Variants in QTMAN observed in about 807,000 individuals in gnomAD.
QTMAN encodes queuosine-tRNA mannosyltransferase, also known as tRNA-queuosine alpha-mannosyltransferase.
the QTMAN span, among the ~76,000 whole-genome samples, chr2:144,325,216 G>T: frequency 2.0e-5 from 3 of 152,188 alleles, no homozygotes; most frequent in Non-Finnish European, 2.9e-5. Flanking sequence ...AACATCTTGA[G>T]ATTGGACAGA....
the QTMAN span, among the ~76,000 whole-genome samples, chr2:144,272,742 C>T: frequency 6.6e-6 from 1 of 151,950 alleles, no homozygotes; most frequent in African/African-American, 2.4e-5. Context: ...TGTGTGCATG[C>T]ATGCGTGTGT....
chr2:144,046,355 T>C, the QTMAN span, among the ~76,000 whole-genome samples: 5 of 152,360 alleles, frequency 3.3e-5, no homozygotes, highest in African/African-American at 7.2e-5. Context: ...TTTTTCATTA[T>C]TGTTTTTAAT....
chr2:144,109,868 G>A, the QTMAN span, among the ~76,000 whole-genome samples: 4 of 152,162 alleles, frequency 2.6e-5, no homozygotes, highest in Admixed American at 2.0e-4. Context: ...TTAGAATGGT[G>A]ATCATTAAAA....
chr2:144,049,118 A>G, the QTMAN span, among the ~76,000 whole-genome samples: 1 of 152,174 alleles, frequency 6.6e-6, no homozygotes, highest in Non-Finnish European at 1.5e-5. Context: ...CCCCTAAAAA[A>G]ATCACTATAC....
At chr2:144,148,254 A>G in the QTMAN span, among the ~76,000 whole-genome samples, 3 of 151,832 alleles carry the variant, frequency 2.0e-5, no homozygotes, top group Non-Finnish European at 1.5e-5. Context: ...AAATTATTAA[A>G]TAGTTCAGCC....
chr2:144,051,943 A>G, the QTMAN span, among the ~76,000 whole-genome samples: 1 of 152,174 alleles, frequency 6.6e-6, no homozygotes, highest in Non-Finnish European at 1.5e-5. Context: ...ACATTGCTTT[A>G]TTTTTCTTCA....
the QTMAN span, among the ~76,000 whole-genome samples, chr2:143,969,787 G>A: frequency 6.6e-6 from 1 of 152,198 alleles, no homozygotes; most frequent in African/African-American, 2.4e-5. Flanking sequence ...CACAGCTGCA[G>A]CGGGCAAAAG....
the QTMAN span, among the ~76,000 whole-genome samples, chr2:144,285,947 T>A: frequency 6.6e-6 from 1 of 152,236 alleles, no homozygotes; most frequent in African/African-American, 2.4e-5. Flanking sequence ...CCAGCTTGAA[T>A]TTAGCAGGCC....
At chr2:144,186,119 G>A in the QTMAN span, among the ~76,000 whole-genome samples, 1 of 152,042 alleles carries the variant, frequency 6.6e-6, no homozygotes, top group Non-Finnish European at 1.5e-5. Context: ...GAAGAGTATG[G>A]GTCAATATAT....
chr2:143,957,075 A>C, the QTMAN span: 1 of 753,748 alleles, frequency 1.3e-6, no homozygotes, highest in Middle Eastern at 3.0e-4. Flanking sequence ...AATAGGTGAT[A>C]GTCAATTGAA....
At chr2:143,973,437 G>A in the QTMAN span, among the ~76,000 whole-genome samples, 1 of 152,048 alleles carries the variant, frequency 6.6e-6, no homozygotes, top group Non-Finnish European at 1.5e-5. Flanking sequence ...TTTCATCTAT[G>A]TCATGCAAAC....
the QTMAN span, among the ~76,000 whole-genome samples, chr2:144,213,099 A>G: frequency 1.3e-5 from 2 of 152,224 alleles, no homozygotes; most frequent in Non-Finnish European, 2.9e-5. Context: ...CACCATTAGC[A>G]TCATCCCAAT....
the QTMAN span, among the ~76,000 whole-genome samples, chr2:144,106,171 T>G: frequency 2.0e-4 from 30 of 152,258 alleles, no homozygotes; most frequent in East Asian, 1.5e-3. Context: ...GTAAAGACCA[T>G]CGATGCTAGG....
At chr2:144,262,486 C>A in the QTMAN span, among the ~76,000 whole-genome samples, 1 of 146,422 alleles carries the variant, frequency 6.8e-6, no homozygotes, top group Non-Finnish European at 1.5e-5. Context: ...AGGAGGATAG[C>A]TTGAGCCCAG....
the QTMAN span, chr2:144,145,820 T>C: frequency 2.6e-6 from 3 of 1,155,048 alleles, no homozygotes; most frequent in Non-Finnish European, 3.7e-6. Context: ...CTCTTTCCTC[T>C]TCCCACCCCA....
the QTMAN span, among the ~76,000 whole-genome samples, chr2:144,025,555 G>T: frequency 1.3e-5 from 2 of 152,204 alleles, no homozygotes; most frequent in Non-Finnish European, 1.5e-5. Flanking sequence ...AAAGGACTAT[G>T]CTTAAGAAGA....
the QTMAN span, among the ~76,000 whole-genome samples, chr2:143,983,579 T>C: frequency 6.6e-6 from 1 of 151,348 alleles, no homozygotes; most frequent in Non-Finnish European, 1.5e-5. Flanking sequence ...TTCACGCCAT[T>C]CTCCTGCCTC....
At chr2:144,096,341 C>T in the QTMAN span, among the ~76,000 whole-genome samples, 5 of 152,180 alleles carry the variant, frequency 3.3e-5, no homozygotes, top group African/African-American at 7.2e-5. Flanking sequence ...AAGAGAGCCA[C>T]GCTTTCTTTT....
chr2:144,028,382 A>T, the QTMAN span, among the ~76,000 whole-genome samples: 2 of 152,254 alleles, frequency 1.3e-5, no homozygotes, highest in African/African-American at 4.8e-5. Context: ...TTACAAGTCC[A>T]AATTTTATTT....
Sources: gnomAD v4.1 joint callset for allele counts (sites outside exome capture counted in the v4.1 genomes callset) on GRCh38, gnomAD v4.1.1 for gene constraint, MANE v1.5 for transcripts, NCBI Gene and HGNC (gene_info 2026-07-23, HGNC 2026-07-21) for gene names.